The following NETO1 variants were observed in gnomAD, a reference collection of about 807,000 sequenced individuals.
The protein encoded by NETO1 is neuropilin and tolloid like 1, also known as neuropilin and tolloid-like protein 1.
In NETO1, 26 loss-of-function variants were observed where a neutral mutation model predicts 61.3. The ratio of observed to expected loss-of-function variants is 0.42; its 90% CI spans 0.31 to 0.59. The LOEUF is 0.59. Among genes scored for constraint, NETO1 ranks in the 20% least tolerant of loss-of-function variants. The pLI, the probability that NETO1 is intolerant of heterozygous loss-of-function variation, is 0.12. For synonymous variants in NETO1, 225 were observed against 225.8 expected, an observed-to-expected ratio of 1.00 and a Z score of 0.03; for missense variants, 531 against 662.8, an observed-to-expected ratio of 0.80 and a Z score of 2.18.
At position 72,852,401 on chromosome 18, in the gene NETO1, G is replaced by A. The variant is rs528769535; in HGVS notation, c.469+6425C>T. Among the ~76,000 whole-genome samples, 18 of 152,254 alleles carry A rather than the reference G, an allele frequency of 1.2e-4. No individual in the cohort carries two copies. In the South Asian group the frequency reaches 3.7e-3, roughly 32 times the overall value. On this transcript the variant is annotated intron_variant, in intron 4 of 10. Coordinates refer to ENST00000327305, the MANE Select transcript of NETO1 (RefSeq NM_138966.5). ...GGCTAATTTTTCTGTATTTTTAGTAGAGACAGGGTTTCACCGTGTTAGCCA... is the reference window on the plus strand; with the variant it reads ...GGCTAATTTTTCTGTATTTTTAGTAAAGACAGGGTTTCACCGTGTTAGCCA...
At position 72,867,405 on chromosome 18, in the gene NETO1, A is replaced by T. The variant is rs1242600425; in HGVS notation, c.-114T>A. ...GAGGTGTTAAAGACGCAAAGCAAGA[A>T]GGAAATAAAGGGGGGCCGAGAGGGA... On this transcript the variant is annotated 5_prime_UTR_variant, in exon 1 of 11. Coordinates refer to ENST00000327305, the MANE Select transcript of NETO1 (RefSeq NM_138966.5). The T allele has an allele frequency of 2.9e-6, 2 of 691,822 alleles. No individual in the cohort carries two copies. The highest frequency in any genetic ancestry group is 4.5e-6 in the Non-Finnish European group (2 of 448,316). The allele number at this position is 691,822 out of a possible 1,614,324, so 42.9% of individuals were successfully genotyped here.
chr18:72,775,026 G>A (rs982514063), intron 7 of NETO1, among the ~76,000 whole-genome samples: 4 of 152,144 alleles, frequency 2.6e-5, no homozygotes, highest in Non-Finnish European at 4.4e-5. Flanking sequence ...GCAAAAAAAT[G>A]AAGTTTAGCT....
At chr18:72,843,320 T>C (rs1044586674) in intron 4 of NETO1, among the ~76,000 whole-genome samples, 4 of 152,176 alleles carry the variant, frequency 2.6e-5, no homozygotes, top group Non-Finnish European at 5.9e-5. Flanking sequence ...GCAAATATTG[T>C]CTAAATGACA....
chr18:72,757,648 A>G lies in NETO1; in HGVS notation c.869-1501T>C, dbSNP rs567665416. Reference sequence around the variant, plus strand: ...TGAAAAAAAAAGTATCACGCTTAACACTTTATTTTGCTAATGATTTGTTAA... The same window carrying G: ...TGAAAAAAAAAGTATCACGCTTAACGCTTTATTTTGCTAATGATTTGTTAA... On this transcript the variant is annotated intron_variant, in intron 7 of 10. Coordinates refer to ENST00000327305, the MANE Select transcript of NETO1 (RefSeq NM_138966.5). Among the ~76,000 whole-genome samples, 169 of 152,266 alleles carry G rather than the reference A, an allele frequency of 1.1e-3. 1 individual carries two copies. Among genetic ancestry groups the G allele is most frequent in the Admixed American group, 2.0e-3 (30 of 15,290 alleles).
At chr18:72,803,439 C>A (rs1258509700) in intron 4 of NETO1, among the ~76,000 whole-genome samples, 1 of 152,154 alleles carries the variant, frequency 6.6e-6, no homozygotes, top group East Asian at 1.9e-4. Flanking sequence ...GTTTGATATT[C>A]CCTGTTGCAA....
At chr18:72,864,700 T>C in intron 3 of NETO1, 108 bp downstream of exon 3, 3 of 1,396,436 alleles carry the variant, frequency 2.1e-6, no homozygotes, top group Non-Finnish European at 3.0e-6. Context: ...TTGCGCATGA[T>C]CTCCAGATCA....
intron 4 of NETO1, among the ~76,000 whole-genome samples, chr18:72,825,755 G>A (rs945022373): frequency 1.3e-5 from 2 of 152,066 alleles, no homozygotes; most frequent in Admixed American, 6.5e-5. Flanking sequence ...ACTCTATTTT[G>A]TCATGTTTAT....
intron 4 of NETO1, among the ~76,000 whole-genome samples, chr18:72,818,649 C>T (rs974754378): frequency 2.5e-4 from 38 of 152,084 alleles, no homozygotes; most frequent in African/African-American, 9.2e-4. Context: ...CATTTTCATC[C>T]CAGAAAATCC....
Position 72,744,485 on chromosome 18 carries a change from G to C in NETO1, c.*3694C>G, listed in dbSNP as rs2070390765. 6.6e-6 allele frequency: 1 copy of C among 152,022 alleles called. No individual in the cohort carries two copies. The highest frequency in any genetic ancestry group is 2.1e-4 in the South Asian group (1 of 4,828). 9.4% of individuals were successfully genotyped at this position (152,022 alleles called of 1,614,324 possible). ...CTCAAGACCTGTTTATTTTGTTGTT[G>C]AATCTATTTTACAATTTCTTGGCTG... On this transcript the variant is annotated 3_prime_UTR_variant, in exon 11 of 11. Coordinates refer to ENST00000327305, the MANE Select transcript of NETO1 (RefSeq NM_138966.5).
intron 3 of NETO1, among the ~76,000 whole-genome samples, chr18:72,862,612 C>CTTTTTTT (rs147165249): frequency 9.4e-6 from 1 of 106,900 alleles, no homozygotes; most frequent in African/African-American, 2.8e-5. Context: ...ACTCATGATC[C>CTTTTTTT]TTTTTTTTTC....
intron 6 of NETO1, among the ~76,000 whole-genome samples, chr18:72,793,540 A>T (rs1219180512): frequency 6.6e-6 from 1 of 152,144 alleles, no homozygotes; most frequent in Non-Finnish European, 1.5e-5. Flanking sequence ...AAGTTATGAG[A>T]AATAATGGAG....
At chr18:72,791,992 G>A (rs933224208) in intron 6 of NETO1, among the ~76,000 whole-genome samples, 15 of 152,302 alleles carry the variant, frequency 9.8e-5, no homozygotes, top group Middle Eastern at 3.4e-3. Flanking sequence ...AGAGAGAAAT[G>A]CAAGCATCAA....
chr18:72,820,393 T>C (rs1201072538), intron 4 of NETO1, among the ~76,000 whole-genome samples: 2 of 152,200 alleles, frequency 1.3e-5, no homozygotes, highest in Non-Finnish European at 2.9e-5. Flanking sequence ...TGATGGAATA[T>C]ACAAGTGCGC....
At chr18:72,856,797 G>A (rs1327282632) in intron 4 of NETO1, among the ~76,000 whole-genome samples, 5 of 152,140 alleles carry the variant, frequency 3.3e-5, no homozygotes, top group African/African-American at 1.2e-4. Context: ...TTCTCGTAAC[G>A]CTTCATAACA....
chr18:72,776,128 G>A (rs928358923), intron 7 of NETO1, among the ~76,000 whole-genome samples: 6 of 152,176 alleles, frequency 3.9e-5, no homozygotes, highest in African/African-American at 1.2e-4. Flanking sequence ...GGCTTTGGGC[G>A]AGGGATCTCA....
chr18:72,811,773 C>A (rs1599049705), intron 4 of NETO1, among the ~76,000 whole-genome samples: 1 of 152,258 alleles, frequency 6.6e-6, no homozygotes, highest in East Asian at 1.9e-4. Context: ...CCACCTTAAT[C>A]CAGCCTGGGT....
At chr18:72,799,451 T>C (rs1225006906) in intron 4 of NETO1, among the ~76,000 whole-genome samples, 1 of 152,192 alleles carries the variant, frequency 6.6e-6, no homozygotes, top group Non-Finnish European at 1.5e-5. Flanking sequence ...TGATTACATA[T>C]CAGGAAAACT....
chr18:72,793,451 A>C (rs1279794909), intron 6 of NETO1, among the ~76,000 whole-genome samples: 1 of 152,200 alleles, frequency 6.6e-6, no homozygotes, highest in African/African-American at 2.4e-5. Flanking sequence ...AGTTTAATAC[A>C]TGTAATACTT....
At chr18:72,751,118 A>G (rs1329252000) in intron 8 of NETO1, among the ~76,000 whole-genome samples, 2 of 151,612 alleles carry the variant, frequency 1.3e-5, no homozygotes, top group Admixed American at 1.3e-4. Context: ...ATACCAAAGG[A>G]TAATTCAATT....
Sources: gnomAD v4.1 joint callset for allele counts (sites outside exome capture counted in the v4.1 genomes callset) on GRCh38, gnomAD v4.1.1 for gene constraint, MANE v1.5 for transcripts, NCBI Gene and HGNC (gene_info 2026-07-23, HGNC 2026-07-21) for gene names.